TNRC6B: variants seen among roughly 807,000 people sequenced by gnomAD.
TNRC6B encodes trinucleotide repeat containing adaptor 6B.
In TNRC6B, 52 loss-of-function variants were observed where a neutral mutation model predicts 203.6. The ratio of observed to expected loss-of-function variants is 0.26; its 90% CI spans 0.20 to 0.32. The LOEUF is 0.32. Among genes scored for constraint, TNRC6B ranks in the 10% least tolerant of loss-of-function variants. The pLI, the probability that TNRC6B is intolerant of heterozygous loss-of-function variation, is 1.00. For missense variants in TNRC6B, 1,923 were observed against 2,286.2 expected, an observed-to-expected ratio of 0.84 and a Z score of 3.24; for synonymous variants, 838 against 845.7, an observed-to-expected ratio of 0.99 and a Z score of 0.16.
At chr22:40,229,714 A>G (rs112038675) in intron 1 of TNRC6B, among the ~76,000 whole-genome samples, 1 of 152,220 alleles carries the variant, frequency 6.6e-6, no homozygotes, top group African/African-American at 2.4e-5. Flanking sequence ...ATTGTTCAGT[A>G]GGTACTCTTT....
In TNRC6B at chr22:40,145,196, T is replaced by C. The variant is rs2146341938; in HGVS notation, c.46-10919T>C. Among the ~76,000 whole-genome samples, 3 of 152,026 alleles carry C rather than the reference T, an allele frequency of 2.0e-5. 1 individual carries two copies. In the South Asian group the frequency reaches 6.2e-4, roughly 32 times the overall value. Reference sequence around the variant, plus strand: ...GGGATGTCAAGGCTTCAGTGAGTCATAATTGTGCCGTTGCACTGCAGCCTG... The same window carrying C: ...GGGATGTCAAGGCTTCAGTGAGTCACAATTGTGCCGTTGCACTGCAGCCTG... On this transcript the variant is annotated intron_variant, in intron 3 of 23. Transcript: ENST00000301923.
Position 40,112,791 on chromosome 22 carries a change from A to G in TNRC6B, c.-120-4264A>G, listed in dbSNP as rs147688056. ...ATTAATAAGTGAATGAGAAATTAGTATGTTGAGACCACAAATATAAACTGC... is the reference window on the plus strand; with the variant it reads ...ATTAATAAGTGAATGAGAAATTAGTGTGTTGAGACCACAAATATAAACTGC... On this transcript the variant is annotated intron_variant, in intron 1 of 23. Transcript: ENST00000301923. Among the ~76,000 whole-genome samples the G allele has an allele frequency of 3.8e-3, 575 of 152,342 alleles. 5 individuals are homozygous for G. The highest frequency in any genetic ancestry group is 5.7e-3 in the Non-Finnish European group (386 of 68,024).
intron 15 of TNRC6B, among the ~76,000 whole-genome samples, chr22:40,304,428 T>C (rs2071064850): frequency 6.6e-6 from 1 of 152,200 alleles, no homozygotes; most frequent in Admixed American, 6.5e-5. Context: ...AGAGAAAGAA[T>C]ACCTAATTGA....
At chr22:40,161,272 T>C (rs1243138495) in intron 4 of TNRC6B, among the ~76,000 whole-genome samples, 1 of 152,238 alleles carries the variant, frequency 6.6e-6, no homozygotes, top group Non-Finnish European at 1.5e-5. Flanking sequence ...CTCAGTTTTG[T>C]ATATGGTGTG....
chr22:40,282,330 A>G (rs1325974308), intron 11 of TNRC6B, among the ~76,000 whole-genome samples: 3 of 152,178 alleles, frequency 2.0e-5, no homozygotes, highest in South Asian at 2.1e-4. Context: ...GGATTATACT[A>G]TATCCATGTG....
chr22:40,222,166 C>G (rs1348306821), intron 1 of TNRC6B, among the ~76,000 whole-genome samples: 6 of 152,104 alleles, frequency 3.9e-5, no homozygotes, highest in African/African-American at 1.4e-4. Context: ...GTCCCTGGAA[C>G]CTCTTACTTA....
chr22:40,326,126 G>C lies in TNRC6B; in HGVS notation c.*2885G>C, dbSNP rs1177919437. On this transcript the variant is annotated 3_prime_UTR_variant, in exon 23 of 23. Transcript: ENST00000454349. ...GCATTTAACAGTGTTTTTTGTTTCT[G>C]TTTTTAACATTTGTTTTCCTGCTTT... is the stretch of plus-strand genomic sequence containing the variant. The C allele has an allele frequency of 6.6e-6, 1 of 152,076 alleles. No homozygotes were observed. The highest frequency in any genetic ancestry group is 1.5e-5 in the Non-Finnish European group (1 of 67,922). 9.4% of individuals were successfully genotyped at this position (152,076 alleles called of 1,614,324 possible). A position where few individuals can be genotyped will look rare whatever the true frequency, so the allele number is the denominator to read the frequency against.
At chr22:40,090,640 C>G (rs2068142910) in intron 1 of TNRC6B, among the ~76,000 whole-genome samples, 1 of 152,130 alleles carries the variant, frequency 6.6e-6, no homozygotes, top group African/African-American at 2.4e-5. Flanking sequence ...CTTATCTTCT[C>G]ATTCTCTCGA....
chr22:40,318,344 G>A (rs1241172805), intron 21 of TNRC6B, among the ~76,000 whole-genome samples: 3 of 152,102 alleles, frequency 2.0e-5, no homozygotes, highest in East Asian at 1.9e-4. Context: ...TCAGGCAATC[G>A]AGACCATCCT....
At chr22:40,105,394 G>A (rs540532039) in intron 1 of TNRC6B, among the ~76,000 whole-genome samples, 8 of 152,116 alleles carry the variant, frequency 5.3e-5, no homozygotes, top group East Asian at 1.9e-4. Flanking sequence ...ACATTATAGC[G>A]GCCCAACAGC....
At chr22:40,278,095 CT>C in intron 9 of TNRC6B, 51 bp downstream of exon 9, 1 of 1,425,688 alleles carries the variant, frequency 7.0e-7, no homozygotes, top group Non-Finnish European at 9.7e-7. Flanking sequence ...TTACAGTGTC[CT>C]TTTGGCATCT....
intron 1 of TNRC6B, among the ~76,000 whole-genome samples, chr22:40,097,289 C>CT (rs146026490): frequency 0.06 from 8,991 of 150,406 alleles, 796 homozygotes; most frequent in African/African-American, 0.19. Flanking sequence ...CAGGTGTGTC[C>CT]TTTTTTTTTG....
At chr22:40,162,444 C>A (rs1191871121) in intron 4 of TNRC6B, among the ~76,000 whole-genome samples, 1 of 152,170 alleles carries the variant, frequency 6.6e-6, no homozygotes, top group Non-Finnish European at 1.5e-5. Flanking sequence ...AGGCACTAAA[C>A]TTTCTGGGAA....
At position 40,331,788 on chromosome 22, in the gene TNRC6B, G is replaced by A. The variant is rs79886876; in HGVS notation, c.*8547G>A. ...AGGGCAGAAAGGGGAAGGGAGTAGCGTTGCATCCTTGTTCTTCAGTTTCTG... is the reference window on the plus strand; with the variant it reads ...AGGGCAGAAAGGGGAAGGGAGTAGCATTGCATCCTTGTTCTTCAGTTTCTG... On this transcript the variant is annotated 3_prime_UTR_variant, in exon 23 of 23. Transcript: ENST00000454349. 4 of 376,876 alleles carry A rather than the reference G, an allele frequency of 1.1e-5. No individual in the cohort carries two copies. Among genetic ancestry groups the A allele is most frequent in the South Asian group, 1.3e-4 (1 of 7,478 alleles). 23.3% of individuals were successfully genotyped at this position (376,876 alleles called of 1,614,324 possible).
At chr22:40,288,043 G>A (rs2070810915) in intron 12 of TNRC6B, among the ~76,000 whole-genome samples, 1 of 152,170 alleles carries the variant, frequency 6.6e-6, no homozygotes, top group African/African-American at 2.4e-5. Context: ...AGCATTTGGG[G>A]GAAAGGCAGT....
At chr22:40,144,106 G>A (rs1331553125) in intron 3 of TNRC6B, among the ~76,000 whole-genome samples, 1 of 152,194 alleles carries the variant, frequency 6.6e-6, no homozygotes, top group African/African-American at 2.4e-5. Context: ...GGAACTTTTA[G>A]ACATTGTTGG....
rs569359458 is a variant in TNRC6B, at chr22:40,331,749, G to C, written c.*8508G>C. ...AATTGTAACTATGCATTCTGCAAAG[G>C]GGGTGGGGAGGAGAGGGCAGAAAGG... On this transcript the variant is annotated 3_prime_UTR_variant, in exon 23 of 23. Transcript: ENST00000454349. 291 of 385,236 alleles carry C rather than the reference G, an allele frequency of 7.6e-4. No individual in the cohort carries two copies. Among genetic ancestry groups the C allele is most frequent in the Middle Eastern group, 1.3e-3 (2 of 1,522 alleles). 23.9% of individuals were successfully genotyped at this position (385,236 alleles called of 1,614,324 possible).
At chr22:40,059,204 C>T (rs919506081) in intron 1 of TNRC6B, among the ~76,000 whole-genome samples, 9 of 152,160 alleles carry the variant, frequency 5.9e-5, no homozygotes, top group African/African-American at 1.9e-4. Context: ...AATTCATTGT[C>T]CCCCTTACTC....
At position 40,262,060 on chromosome 22, in the gene TNRC6B, G is replaced by T. The variant is rs1420349058; in HGVS notation, c.344G>T (p.Cys115Phe). The change falls in exon 4 of 23, where the codon TGC becomes TTC. Residue 115 changes from cysteine (C) to phenylalanine (F), a missense_variant. By Grantham distance (205) the Cys-to-Phe change is radical (BLOSUM62 -2). Transcript: ENST00000454349. Reference sequence around the variant, plus strand: ...CGTGGGCAGCCCCCTCCACCGTCCTGCATGCTCCTTGGGGGTGGGGCAGGG... The same window carrying T: ...CGTGGGCAGCCCCCTCCACCGTCCTTCATGCTCCTTGGGGGTGGGGCAGGG... ...LKRGQPPPPSCMLLGGGAGPP... is the reference protein window; with the variant it reads ...LKRGQPPPPSFMLLGGGAGPP... 6.3e-6 allele frequency: 10 copies of T among 1,588,618 alleles called. No individual in the cohort carries two copies. Among genetic ancestry groups the T allele is most frequent in the Non-Finnish European group, 8.6e-6 (10 of 1,163,328 alleles).
Sources: gnomAD v4.1 joint callset for allele counts (sites outside exome capture counted in the v4.1 genomes callset) on GRCh38, gnomAD v4.1.1 for gene constraint, MANE v1.5 for transcripts, NCBI Gene and HGNC (gene_info 2026-07-23, HGNC 2026-07-21) for gene names.